The following ERMN variants were observed in gnomAD, a reference collection of about 807,000 sequenced individuals.
ERMN encodes ermin.
A neutral mutation model predicts 21.4 loss-of-function variants in ERMN; 17 were observed. The ratio of observed to expected loss-of-function variants is 0.80; its 90% CI spans 0.54 to 1.19. The LOEUF is 1.19. Among genes scored for constraint, ERMN ranks in the 50% most tolerant of loss-of-function variants. ERMN has a pLI of 0.00. For synonymous variants in ERMN, 115 were observed against 111.9 expected, an observed-to-expected ratio of 1.03 and a Z score of -0.17; for missense variants, 348 against 331.6, an observed-to-expected ratio of 1.05 and a Z score of -0.38.
At chr2:157,324,309 T>C (rs1683999963) in intron 2 of ERMN, 1 of 221,230 alleles carries the variant, frequency 4.5e-6, no homozygotes, top group Non-Finnish European at 9.1e-6. Flanking sequence ...AATTGTAGAC[T>C]TTTAGGAAAG....
chr2:157,326,039 T>A, upstream of ERMN: 1 of 744,034 alleles, frequency 1.3e-6, no homozygotes, highest in Non-Finnish European at 1.7e-6. Flanking sequence ...CAGAGATTTT[T>A]GTCCCTTTTC....
intron 2 of ERMN, 82 bp downstream of exon 2, chr2:157,324,588 C>A (rs149904681): frequency 3.2e-5 from 36 of 1,118,132 alleles, no homozygotes; most frequent in Non-Finnish European, 4.8e-5. Context: ...GTCAACCCCA[C>A]GCTCATGCAA....
intron 1 of ERMN, 72 bp downstream of exon 1, chr2:157,325,330 A>G: frequency 6.3e-7 from 1 of 1,593,650 alleles, no homozygotes; most frequent in Admixed American, 1.7e-5. Flanking sequence ...TTTCGATAAT[A>G]GTTTATCAAA....
chr2:157,321,620 T>A lies in ERMN; in HGVS notation c.506A>T (p.Asp169Val), dbSNP rs776307442. ...WLGFRKPSQA[D>V]MLHSKHDEEQ... Reference sequence around the variant, plus strand: ...CTCATCATGTTTAGAATGTAACATGTCAGCTTGGCTAGGTTTTCGAAATCC... The same window carrying A: ...CTCATCATGTTTAGAATGTAACATGACAGCTTGGCTAGGTTTTCGAAATCC... Residue 169 changes from aspartate to valine, a missense_variant, in exon 3 of 3, where the codon GAC becomes GTC. Asp to Val is a radical substitution (Grantham distance 152). Transcript: ENST00000410096. The A allele has an allele frequency of 4.2e-5, 67 of 1,614,032 alleles. No individual in the cohort carries two copies. The highest frequency in any genetic ancestry group is 5.4e-5 in the Non-Finnish European group (64 of 1,180,008).
rs1684057039 is a variant in ERMN, at chr2:157,325,797, T to C, written c.-155A>G. Reference sequence around the variant, plus strand: ...ACTTTAGTACATAATAACAAGGTTCTTTTCCTAAAAGTATCCAGACAGAGA... The same window carrying C: ...ACTTTAGTACATAATAACAAGGTTCCTTTCCTAAAAGTATCCAGACAGAGA... On this transcript the variant is annotated 5_prime_UTR_variant, in exon 1 of 3. Coordinates refer to ENST00000410096, the MANE Select transcript of ERMN (RefSeq NM_020711.3). 4 of 1,494,912 alleles carry C rather than the reference T, an allele frequency of 2.7e-6. No individual in the cohort carries two copies. The highest frequency in any genetic ancestry group is 3.5e-6 in the Non-Finnish European group (4 of 1,126,794). 92.6% of individuals were successfully genotyped at this position (1,494,912 alleles called of 1,614,324 possible). A position where few individuals can be genotyped will look rare whatever the true frequency, so the allele number is the denominator to read the frequency against.
upstream of ERMN, among the ~76,000 whole-genome samples, chr2:157,326,552 T>C (rs1684071991): frequency 1.3e-5 from 2 of 152,200 alleles, no homozygotes; most frequent in Non-Finnish European, 1.5e-5. Flanking sequence ...TATTACACAA[T>C]GCTGGTAAAA....
chr2:157,327,307 T>C, upstream of ERMN: 1 of 596,320 alleles, frequency 1.7e-6, no homozygotes, highest in Non-Finnish European at 3.0e-6. Flanking sequence ...GGAAGACATC[T>C]CTAATAGATC....
intron 1 of ERMN, 42 bp downstream of exon 1, chr2:157,325,360 T>C (rs764123734): frequency 3.1e-6 from 5 of 1,610,142 alleles, no homozygotes; most frequent in Middle Eastern, 1.7e-4. Context: ...GGTAAATTTA[T>C]AAGTCAAAAC....
At chr2:157,327,619 C>A, upstream of ERMN, 1 of 655,902 alleles carries the variant, frequency 1.5e-6, no homozygotes, top group South Asian at 1.7e-5. Context: ...ACAGATGAAG[C>A]TAAGCGCCAT....
chr2:157,321,700 T>C lies in ERMN; in HGVS notation c.426A>G (p.Glu142=), dbSNP rs368029065. The C allele has an allele frequency of 2.5e-6, 4 of 1,613,930 alleles. No individual in the cohort carries two copies. The highest frequency in any genetic ancestry group is 1.3e-5 in the African/African-American group (1 of 74,906). Residue 142 remains glutamate, a synonymous_variant, in exon 3 of 3, where the codon GAA becomes GAG. Transcript: ENST00000410096. ...ERITEQPLKE[E]EDEDRKNKGH... is the part of the protein sequence containing the mutation. ...CTTTGTTCTTCCTGTCCTCATCTTC[T>C]TCCTCTTTGAGAGGCTGCTCAGTAA...
rs1191463070 is a variant in ERMN, at chr2:157,325,506, T to C, written c.137A>G (p.Glu46Gly). The C allele has an allele frequency of 6.2e-7, 1 of 1,614,214 alleles. No individual in the cohort carries two copies. Among genetic ancestry groups the C allele is most frequent in the Admixed American group, 1.7e-5 (1 of 60,018 alleles). ...VDSPLPHYRV[E>G]PSLEGALTKG... ...GGTGAGTGCACCTTCCAGACTGGGT[T>C]CTACCCTGTAGTGTGGCAGGGGGCT... is the stretch of plus-strand genomic sequence containing the variant. The change falls in exon 1 of 3, where the codon GAA (glutamate) becomes GGA (glycine). Residue 46 changes from glutamate (E) to glycine (G), a missense_variant. Physicochemically the swap from Glu to Gly is moderately conservative, Grantham distance 98. Coordinates refer to ENST00000410096, the MANE Select transcript of ERMN (RefSeq NM_020711.3).
rs760492986 is a variant in ERMN at position 157,321,516 on chromosome 2, T to C, written c.610A>G (p.Ile204Val). 13 of 1,613,980 alleles carry C rather than the reference T, an allele frequency of 8.1e-6. No homozygotes were observed. In the East Asian group the frequency reaches 2.9e-4, roughly 36 times the overall value. ...CNNDEDEVRV[I>V]EFKKKHEEVS... is the part of the protein sequence containing the mutation. Reference sequence around the variant, plus strand: ...TCTTCATGTTTTTTCTTAAATTCTATCACTCGAACTTCATCTTCATCATTA... The same window carrying C: ...TCTTCATGTTTTTTCTTAAATTCTACCACTCGAACTTCATCTTCATCATTA... Residue 204 changes from isoleucine (I) to valine (V), a missense_variant, in exon 3 of 3, where the codon ATA becomes GTA. Physicochemically the swap from Ile to Val is conservative, Grantham distance 29. Coordinates refer to ENST00000410096, the MANE Select transcript of ERMN (RefSeq NM_020711.3).
Position 157,321,687 on chromosome 2 carries a change from T to C in ERMN, c.439A>G (p.Arg147Gly), listed in dbSNP as rs749347485. Residue 147 changes from arginine to glycine, a missense_variant, in exon 3 of 3, where the codon AGG becomes GGG. Physicochemically the swap from Arg to Gly is moderately radical, Grantham distance 125. Transcript: ENST00000410096. ...QPLKEEEDED[R>G]KNKGHQAAEI... is the part of the protein sequence containing the mutation. The stretch of plus-strand genomic sequence containing the variant: ...GCTGCCTGGTGACCTTTGTTCTTCC[T>C]GTCCTCATCTTCTTCCTCTTTGAGA... 15 of 1,613,990 alleles carry C rather than the reference T, an allele frequency of 9.3e-6. No homozygotes were observed. The East Asian group carries it at 1.8e-4, about 19-fold the overall frequency.
intron 1 of ERMN, 108 bp from the exon 2 acceptor site, chr2:157,324,870 T>C: frequency 1.4e-6 from 1 of 692,812 alleles, no homozygotes; most frequent in South Asian, 2.2e-5. Flanking sequence ...ATTTTAAATC[T>C]GATCATTAAA....
chr2:157,323,110 T>G (rs748085272), intron 2 of ERMN, among the ~76,000 whole-genome samples: 1 of 152,178 alleles, frequency 6.6e-6, no homozygotes, highest in African/African-American at 2.4e-5. Context: ...AAAAACATAC[T>G]CCATCAAACA....
Position 157,321,152 on chromosome 2 carries a change from G to C in ERMN, c.*119C>G, listed in dbSNP as rs921842901. On this transcript the variant is annotated 3_prime_UTR_variant, in exon 3 of 3. Transcript: ENST00000410096. ...CCACATTATTCTACAGTGAAAAAGAGAGTCAACTTCCACCTCCCTCCAAGT... is the reference window on the plus strand; with the variant it reads ...CCACATTATTCTACAGTGAAAAAGACAGTCAACTTCCACCTCCCTCCAAGT... The C allele has an allele frequency of 1.4e-6, 2 of 1,401,104 alleles. No homozygotes were observed. Among genetic ancestry groups the C allele is most frequent in the Admixed American group, 2.3e-5 (1 of 42,798 alleles). 86.8% of individuals were successfully genotyped at this position (1,401,104 alleles called of 1,614,324 possible).
At chr2:157,322,679 A>G (rs1683942573) in intron 2 of ERMN, among the ~76,000 whole-genome samples, 1 of 152,214 alleles carries the variant, frequency 6.6e-6, no homozygotes, top group South Asian at 2.1e-4. Context: ...CAAGGTGTTC[A>G]GTTCTCTTAT....
Position 157,325,625 on chromosome 2 carries a change from A to G in ERMN, c.18T>C (p.Ala6=), listed in dbSNP as rs1300245703. MTDVP[A]TFTQAECNGD... ...CATTACACTCAGCCTGGGTAAATGT[A>G]GCCGGAACATCTGTCATGATGTGCG... Residue 6 remains alanine, a synonymous_variant, in exon 1 of 3, where the codon GCT becomes GCC. Coordinates refer to ENST00000410096, the MANE Select transcript of ERMN (RefSeq NM_020711.3). 1 of 1,614,194 alleles carries G rather than the reference A, an allele frequency of 6.2e-7. No individual in the cohort carries two copies. The highest frequency in any genetic ancestry group is 8.5e-7 in the Non-Finnish European group (1 of 1,180,018).
At position 157,320,976 on chromosome 2, in the gene ERMN, C is replaced by T. The variant is rs759002389; in HGVS notation, c.*295G>A. ...TTCCAAGCATTGCTACATTTATAGC[C>T]GAATTATGCCAGATTCCCCCAGGGG... is the stretch of plus-strand genomic sequence containing the variant. On this transcript the variant is annotated 3_prime_UTR_variant, in exon 3 of 3. Coordinates refer to ENST00000410096, the MANE Select transcript of ERMN (RefSeq NM_020711.3). 2.3e-5 allele frequency: 7 copies of T among 298,814 alleles called. No homozygotes were observed. Among genetic ancestry groups the T allele is most frequent in the Non-Finnish European group, 3.7e-5 (6 of 161,372 alleles). 18.5% of individuals were successfully genotyped at this position (298,814 alleles called of 1,614,324 possible). A position where few individuals can be genotyped will look rare whatever the true frequency, so the allele number is the denominator to read the frequency against.
Sources: allele counts gnomAD v4.1 joint callset (sites outside exome capture counted in the v4.1 genomes callset), GRCh38; gene constraint gnomAD v4.1.1; transcripts MANE v1.5; gene names NCBI Gene and HGNC (gene_info 2026-07-23, HGNC 2026-07-21).